The following SDC2 variants were observed in gnomAD, a reference collection of about 807,000 sequenced individuals.
SDC2 encodes the protein syndecan-2.
A neutral mutation model predicts 22.2 loss-of-function variants in SDC2; 13 were observed. That is an observed-to-expected ratio of 0.59 (90% CI 0.38 to 0.93). The LOEUF is 0.93. SDC2 is among the 40% of genes least tolerant of loss of function. SDC2 has a pLI of 0.00. For missense variants in SDC2, 235 were observed against 246.8 expected (o/e 0.95, Z 0.32); for synonymous variants, 94 against 92.8 (o/e 1.01, Z -0.07).
chr8:96,576,117 C>A (rs1408972459), intron 1 of SDC2, among the ~76,000 whole-genome samples: 2 of 152,052 alleles, frequency 1.3e-5, no homozygotes, highest in African/African-American at 2.4e-5. Flanking sequence ...TTTGTGGGCC[C>A]AATTTATTTA....
At chr8:96,552,688 G>T (rs1283705246) in intron 1 of SDC2, among the ~76,000 whole-genome samples, 1 of 152,132 alleles carries the variant, frequency 6.6e-6, no homozygotes, top group East Asian at 1.9e-4. Context: ...CTGATTTATA[G>T]CATGTAATTA....
At chr8:96,528,298 C>CT (rs536459197) in intron 1 of SDC2, among the ~76,000 whole-genome samples, 9 of 152,146 alleles carry the variant, frequency 5.9e-5, no homozygotes, top group Admixed American at 3.3e-4. Context: ...GCCAAAAACT[C>CT]TAAGTGATTG....
At chr8:96,550,467 T>A (rs1004946671) in intron 1 of SDC2, among the ~76,000 whole-genome samples, 2 of 152,198 alleles carry the variant, frequency 1.3e-5, no homozygotes, top group Non-Finnish European at 2.9e-5. Flanking sequence ...TGGAGAATGT[T>A]GACAGTCACT....
At chr8:96,507,293 C>T (rs977830918) in intron 1 of SDC2, among the ~76,000 whole-genome samples, 2 of 152,208 alleles carry the variant, frequency 1.3e-5, no homozygotes, top group African/African-American at 4.8e-5. Flanking sequence ...CTCCCTCATT[C>T]CCCACATTAA....
intron 1 of SDC2, among the ~76,000 whole-genome samples, chr8:96,546,394 G>A (rs2130525743): frequency 6.6e-6 from 1 of 152,274 alleles, no homozygotes; most frequent in Admixed American, 6.5e-5. Flanking sequence ...TCATTGGGTG[G>A]CTGGCTTTCT....
intron 1 of SDC2, among the ~76,000 whole-genome samples, chr8:96,560,494 A>G (rs1814190940): frequency 6.6e-6 from 1 of 152,202 alleles, no homozygotes; most frequent in Non-Finnish European, 1.5e-5. Context: ...ATCTTTTAAA[A>G]TAGTTGGTGG....
At chr8:96,595,504 C>A (rs1002600397) in intron 2 of SDC2, among the ~76,000 whole-genome samples, 1 of 143,240 alleles carries the variant, frequency 7.0e-6, no homozygotes, top group African/African-American at 2.5e-5. Flanking sequence ...CTCATGGCAC[C>A]TCTTTTTTTT....
At chr8:96,552,654 A>G (rs1444572) in intron 1 of SDC2, among the ~76,000 whole-genome samples, 27,416 of 152,174 alleles carry the variant, frequency 0.18, 2,784 homozygotes, top group East Asian at 0.41. Flanking sequence ...GGAAGGGGAC[A>G]AAGAAGTTTT....
chr8:96,542,550 T>C (rs1813868459), intron 1 of SDC2, among the ~76,000 whole-genome samples: 1 of 152,078 alleles, frequency 6.6e-6, no homozygotes, highest in African/African-American at 2.4e-5. Context: ...CTTTTTCCAG[T>C]GGTCTCAAAG....
Position 96,609,431 on chromosome 8 carries a change from T to C in SDC2, c.489T>C (p.Leu163=), listed in dbSNP as rs1434068708. The part of the protein sequence containing the change: ...GVIGFLFAIF[L]ILLLVYRMRK... Reference sequence around the variant, plus strand: ...TTGGCTTTCTCTTTGCAATTTTTCTTATCCTGCTGTTGGTGTATCGCATGA... The same window carrying C: ...TTGGCTTTCTCTTTGCAATTTTTCTCATCCTGCTGTTGGTGTATCGCATGA... The change falls in exon 5 of 5, where the codon CTT becomes CTC. Residue 163 remains leucine (L), a synonymous_variant. Coordinates refer to ENST00000302190, the MANE Select transcript of SDC2 (RefSeq NM_002998.4). 3 of 1,613,388 alleles carry C rather than the reference T, an allele frequency of 1.9e-6. No individual in the cohort carries two copies. The highest frequency in any genetic ancestry group is 4.5e-5 in the East Asian group (2 of 44,826).
chr8:96,564,210 A>AT (rs1221363744), intron 1 of SDC2, among the ~76,000 whole-genome samples: 1 of 152,166 alleles, frequency 6.6e-6, no homozygotes, highest in African/African-American at 2.4e-5. Flanking sequence ...CCTTTGTCTC[A>AT]TTCACAGTGT....
intron 1 of SDC2, among the ~76,000 whole-genome samples, chr8:96,501,130 T>C (rs1021549694): frequency 6.6e-6 from 1 of 151,898 alleles, no homozygotes; most frequent in African/African-American, 2.4e-5. Flanking sequence ...ATTTTGGTGT[T>C]TTTTTTTATG....
intron 1 of SDC2, among the ~76,000 whole-genome samples, chr8:96,522,650 T>C (rs1326259997): frequency 2.6e-5 from 4 of 152,210 alleles, no homozygotes; most frequent in Non-Finnish European, 4.4e-5. Flanking sequence ...TTCTAGTTTA[T>C]GGGATGTATT....
intron 1 of SDC2, among the ~76,000 whole-genome samples, chr8:96,506,973 C>G (rs1227015964): frequency 6.8e-6 from 1 of 147,940 alleles, no homozygotes; most frequent in African/African-American, 2.5e-5. Context: ...CACGCCACCG[C>G]ACTCCAGCCT....
chr8:96,599,968 C>T (rs994654915), intron 2 of SDC2, among the ~76,000 whole-genome samples: 1 of 152,040 alleles, frequency 6.6e-6, no homozygotes, highest in Non-Finnish European at 1.5e-5. Flanking sequence ...AGTTGAGACC[C>T]CGTCTCAACA....
At chr8:96,500,688 A>T (rs540703169) in intron 1 of SDC2, among the ~76,000 whole-genome samples, 1 of 148,764 alleles carries the variant, frequency 6.7e-6, no homozygotes, top group South Asian at 2.1e-4. Context: ...AAAAGAGTGG[A>T]AATGCATTAA....
In SDC2 at chr8:96,557,629, G is replaced by A. The variant is rs573021619; in HGVS notation, c.61-35851G>A. Among the ~76,000 whole-genome samples, 7 of 151,718 alleles carry A rather than the reference G, an allele frequency of 4.6e-5. No individual in the cohort carries two copies. The South Asian group carries it at 1.3e-3, about 27-fold the overall frequency. On this transcript the variant is annotated intron_variant, in intron 1 of 4. Transcript: ENST00000302190. ...ATCACACTCTGGGGACTGTGGTGGG[G>A]TGGGGGGAGTGGGGAGGGTTAGCAC...
intron 1 of SDC2, among the ~76,000 whole-genome samples, chr8:96,578,585 G>A (rs1025230251): frequency 6.6e-6 from 1 of 152,170 alleles, no homozygotes; most frequent in African/African-American, 2.4e-5. Flanking sequence ...ATTTTACAAT[G>A]GAAGAGATGA....
intron 1 of SDC2, among the ~76,000 whole-genome samples, chr8:96,563,423 G>A (rs375685158): frequency 6.6e-6 from 1 of 152,092 alleles, no homozygotes; most frequent in South Asian, 2.1e-4. Context: ...TAACTAAGCT[G>A]AGTGCTCTCC....
Sources: allele counts gnomAD v4.1 joint callset (sites outside exome capture counted in the v4.1 genomes callset), GRCh38; gene constraint gnomAD v4.1.1; transcripts MANE v1.5; gene names NCBI Gene and HGNC (gene_info 2026-07-23, HGNC 2026-07-21).